The following VPS51 variants were observed in gnomAD, a reference collection of about 807,000 sequenced individuals.
The protein encoded by VPS51 is VPS51 subunit of GARP complex, also known as vacuolar protein sorting-associated protein 51 homolog.
A neutral mutation model predicts 65.1 loss-of-function variants in VPS51; 55 were observed. The observed-to-expected ratio is 0.84, with a 90% CI of 0.68 to 1.06. The LOEUF is 1.06. VPS51 is among the 50% of genes least tolerant of loss of function. The probability of loss-of-function intolerance (pLI) is 0.00; values close to 1 mark genes in which losing one functional copy is unlikely to be tolerated. For missense variants in VPS51, 943 were observed against 1,101.6 expected, an observed-to-expected ratio of 0.86 and a Z score of 2.04; for synonymous variants, 473 against 489.5, an observed-to-expected ratio of 0.97 and a Z score of 0.44.
intron 2 of VPS51, among the ~76,000 whole-genome samples, chr11:65,102,066 C>A (rs977466342): frequency 7.0e-6 from 1 of 143,824 alleles, no homozygotes; most frequent in Non-Finnish European, 1.5e-5. Context: ...GTCATCCAGG[C>A]TAGAGTGCAG....
In VPS51 at chr11:65,111,477, G is replaced by A; in HGVS notation, c.2239G>A (p.Glu747Lys). Residue 747 changes from glutamate (E) to lysine (K), a missense_variant, in exon 10 of 10, where the codon GAA becomes AAA. Physicochemically the swap from Glu to Lys is moderately conservative, Grantham distance 56. Coordinates refer to ENST00000279281, the MANE Select transcript of VPS51 (RefSeq NM_013265.4). ...CCTGTGGCGTTTTGTGGCCGACGAA[G>A]AACTCGTGCACTTGCTGCTGGACGA... The part of the protein sequence containing the change: ...LYLWRFVADE[E>K]LVHLLLDEVV... 1 of 1,613,962 alleles carries A rather than the reference G, an allele frequency of 6.2e-7. No homozygotes were observed. Among genetic ancestry groups the A allele is most frequent in the African/African-American group, 1.3e-5 (1 of 75,082 alleles).
Position 65,096,379 on chromosome 11 carries a change from C to T in VPS51, c.129C>T (p.Leu43=). The change falls in exon 1 of 10, where the codon CTC becomes CTT. Residue 43 remains leucine (L), a synonymous_variant. Transcript: ENST00000279281. ...AHGMLKLYYG[L]SEGEAAGRPA... ...GGATGCTGAAGCTTTACTACGGCCT[C>T]TCGGAAGGGGAGGCGGCGGGACGCC... 1.3e-6 allele frequency: 2 copies of T among 1,533,604 alleles called. No individual in the cohort carries two copies. Among genetic ancestry groups the T allele is most frequent in the Non-Finnish European group, 8.7e-7 (1 of 1,148,666 alleles). 95.0% of individuals were successfully genotyped at this position (1,533,604 alleles called of 1,614,324 possible).
At chr11:65,096,954 A>C (rs750588629) in intron 1 of VPS51, 44 bp from the exon 2 acceptor site, 4 of 1,609,420 alleles carry the variant, frequency 2.5e-6, no homozygotes, top group Non-Finnish European at 2.5e-6. Flanking sequence ...GCTGGGGGAC[A>C]TGAATGCCTC....
intron 9 of VPS51, 154 bp from the exon 10 acceptor site, chr11:65,111,173 A>G (rs1565318743): frequency 8.6e-7 from 1 of 1,157,186 alleles, no homozygotes. Flanking sequence ...GACGGCGCTA[A>G]TATTGTATCC....
chr11:65,103,336 A>G (rs1235745415), intron 2 of VPS51, among the ~76,000 whole-genome samples: 3 of 152,272 alleles, frequency 2.0e-5, no homozygotes. Flanking sequence ...GTTTCACATC[A>G]TGTGATTTTA....
At position 65,100,525 on chromosome 11, in the gene VPS51, G is replaced by GTT. The variant is rs36120079; in HGVS notation, c.358+3420_358+3421dup. 9.7e-3 allele frequency among the ~76,000 whole-genome samples: 636 copies of GTT among 65,586 alleles called. 9 individuals are homozygous for GTT. The highest frequency in any genetic ancestry group is 0.022 in the African/African-American group (372 of 16,812). The allele number at this position is 65,586 out of a possible 152,430, so 43.0% of individuals were successfully genotyped here. ...CATGTACACAAGTGTTCATAGCAGT[G>GTT]TTTTTTTTTTTTTTTTTTTTTTTGA... On this transcript the variant is annotated intron_variant, in intron 2 of 9. Coordinates refer to ENST00000279281, the MANE Select transcript of VPS51 (RefSeq NM_013265.4).
chr11:65,108,531 C>A lies in VPS51; in HGVS notation c.1060C>A (p.Arg354=). 5 of 1,585,302 alleles carry A rather than the reference C, an allele frequency of 3.2e-6. No individual in the cohort carries two copies. The highest frequency in any genetic ancestry group is 3.4e-6 in the Non-Finnish European group (4 of 1,172,306). The change falls in exon 5 of 10, where the codon CGG becomes AGG. Residue 354 remains arginine (R), a synonymous_variant. Transcript: ENST00000279281. ...LGSRYFALVE[R]RLAQEQGGGD... ...CAGCCGCTATTTTGCGCTGGTGGAG[C>A]GGCGGCTGGCGCAGGAGCAGGGTGG... is the stretch of plus-strand genomic sequence containing the variant.
rs1291634555 is a variant in VPS51, at chr11:65,096,915, G to C, written c.229-83G>C. The C allele has an allele frequency of 2.7e-5, 42 of 1,564,908 alleles. 1 individual carries two copies. The South Asian group carries it at 4.3e-4, about 16-fold the overall frequency. ...GGTGGGTGGGGATCAGAGATTTCTT[G>C]CCCTGAAAGCCTATCAGCTGCAGGC... On this transcript the variant is annotated intron_variant, in intron 1 of 9. Coordinates refer to ENST00000279281, the MANE Select transcript of VPS51 (RefSeq NM_013265.4).
chr11:65,097,296 T>G (rs530985923), intron 2 of VPS51, 169 bp downstream of exon 2: 77 of 975,962 alleles, frequency 7.9e-5, no homozygotes, highest in South Asian at 6.5e-4. Context: ...CAGACTACTA[T>G]AGAGATAATA....
Position 65,108,872 on chromosome 11 carries a change from C to A in VPS51, c.1401C>A (p.Phe467Leu). 6.2e-7 allele frequency: 1 copy of A among 1,613,058 alleles called. No individual in the cohort carries two copies. Among genetic ancestry groups the A allele is most frequent in the Non-Finnish European group, 8.5e-7 (1 of 1,180,020 alleles). ...IKASLAAVHL[F>L]TAKEVSFSNK... ...CCTCTCTGGCAGCAGTGCACCTTTTCACCGCCAAAGAGGTGTCCTTCTCCA... is the reference window on the plus strand; with the variant it reads ...CCTCTCTGGCAGCAGTGCACCTTTTAACCGCCAAAGAGGTGTCCTTCTCCA... The change falls in exon 5 of 10, where the codon TTC becomes TTA. Residue 467 changes from phenylalanine to leucine, a missense_variant. Phe to Leu is a conservative substitution (Grantham distance 22). Transcript: ENST00000279281.
intron 2 of VPS51, among the ~76,000 whole-genome samples, chr11:65,098,194 T>TAAG (rs1038262334): frequency 6.6e-6 from 1 of 151,764 alleles, no homozygotes; most frequent in Non-Finnish European, 1.5e-5. Context: ...AAAAAAATAA[T>TAAG]AAGAAGAAGA....
chr11:65,110,035 A>G (rs1947880889), intron 7 of VPS51, 112 bp downstream of exon 7: 1 of 1,180,212 alleles, frequency 8.5e-7, no homozygotes, highest in South Asian at 1.5e-5. Flanking sequence ...AGGAGGGGAC[A>G]TGTGTATCTG....
In VPS51 at chr11:65,107,755, T is replaced by C. The variant is rs1159630517; in HGVS notation, c.505+28T>C. 1.2e-6 allele frequency: 2 copies of C among 1,605,000 alleles called. No homozygotes were observed. Among genetic ancestry groups the C allele is most frequent in the Non-Finnish European group, 1.7e-6 (2 of 1,175,536 alleles). On this transcript the variant is annotated intron_variant, in intron 3 of 9. Transcript: ENST00000279281. The surrounding 1 kb of genome is among the most constrained non-coding windows in gnomAD (Gnocchi z 4.0). ...GGGCGCTGCCGGGCAGGGCCTGCAG[T>C]GGGCCTTTCCTGGGGCTCTGGGGCT...
In VPS51 at chr11:65,107,225, G is replaced by C; in HGVS notation, c.359-356G>C. The C allele has an allele frequency of 2.0e-6, 1 of 501,376 alleles. No individual in the cohort carries two copies. The highest frequency in any genetic ancestry group is 3.9e-6 in the Non-Finnish European group (1 of 257,344). 31.1% of individuals were successfully genotyped at this position (501,376 alleles called of 1,614,324 possible). ...CACGCAGATGCGCTTGGGAGCCAGCGGTCCCTGCCTTGGCTGCTTGTGGTC... is the reference window on the plus strand; with the variant it reads ...CACGCAGATGCGCTTGGGAGCCAGCCGTCCCTGCCTTGGCTGCTTGTGGTC... On this transcript the variant is annotated intron_variant, in intron 2 of 9. Transcript: ENST00000279281. This position sits in a 1 kb window ranked among gnomAD's most constrained non-coding sequence, Gnocchi z 4.0.
At position 65,111,715 on chromosome 11, in the gene VPS51, C is replaced by T; in HGVS notation, c.*128C>T. 1 of 1,386,530 alleles carries T rather than the reference C, an allele frequency of 7.2e-7. No individual in the cohort carries two copies. Among genetic ancestry groups the T allele is most frequent in the East Asian group, 2.5e-5 (1 of 39,736 alleles). 85.9% of individuals were successfully genotyped at this position (1,386,530 alleles called of 1,614,324 possible). A position where few individuals can be genotyped will look rare whatever the true frequency, so the allele number is the denominator to read the frequency against. On this transcript the variant is annotated 3_prime_UTR_variant, in exon 10 of 10. Coordinates refer to ENST00000279281, the MANE Select transcript of VPS51 (RefSeq NM_013265.4). ...AAACATGTGTGGCCTCCTCCTCTCG[C>T]TTGCTGGGCGGGCCTTTCCGGGGGC... is the stretch of plus-strand genomic sequence containing the variant.
At chr11:65,110,320 T>C (rs1947884442) in intron 7 of VPS51, 162 bp from the exon 8 acceptor site, 1 of 1,253,344 alleles carries the variant, frequency 8.0e-7, no homozygotes, top group Admixed American at 2.0e-5. Context: ...CTCCACTGGT[T>C]CTATAAATAG....
intron 2 of VPS51, among the ~76,000 whole-genome samples, chr11:65,100,305 T>G (rs1239564037): frequency 6.6e-6 from 1 of 152,028 alleles, no homozygotes; most frequent in Non-Finnish European, 1.5e-5. Context: ...AACATACAAG[T>G]GGCCGAAAAG....
At position 65,108,190 on chromosome 11, in the gene VPS51, C is replaced by T. The variant is rs1360496652; in HGVS notation, c.726-7C>T. 3.1e-6 allele frequency: 5 copies of T among 1,598,526 alleles called. No individual in the cohort carries two copies. The African/African-American group carries it at 4.0e-5, about 13-fold the overall frequency. The stretch of plus-strand genomic sequence containing the variant: ...GCCCTGCCCTTCACTACCTCTCCCT[C>T]GTGCAGGGAGGGCGGCTCAGGCGCC... On this transcript the variant is annotated splice_region_variant and splice_polypyrimidine_tract_variant and intron_variant, in intron 4 of 9. Transcript: ENST00000279281.
chr11:65,105,127 C>T (rs1047357499), intron 2 of VPS51, among the ~76,000 whole-genome samples: 6 of 152,066 alleles, frequency 3.9e-5, no homozygotes, highest in Non-Finnish European at 7.4e-5. Flanking sequence ...CGACTGGGCA[C>T]GGTGGCTCCC....
Sources: gnomAD v4.1 joint callset for allele counts (sites outside exome capture counted in the v4.1 genomes callset) on GRCh38, gnomAD v4.1.1 for gene constraint, Gnocchi (gnomAD v3.1) non-coding constraint, MANE v1.5 for transcripts, NCBI Gene and HGNC (gene_info 2026-07-23, HGNC 2026-07-21) for gene names.